The following GLYATL1 variants were observed in gnomAD, a reference collection of about 807,000 sequenced individuals.
GLYATL1 encodes the protein glycine N-acyltransferase-like protein 1.
Under a neutral mutation model 20.0 loss-of-function variants are expected in GLYATL1, and 15 were observed. The ratio of observed to expected loss-of-function variants is 0.75; its 90% confidence interval spans 0.50 to 1.15. The LOEUF (loss-of-function observed/expected upper bound fraction) is 1.15, where lower values mean the gene tolerates loss of function less well. Among genes scored for constraint, GLYATL1 ranks in the 50% most tolerant of loss-of-function variants. The pLI, the probability that GLYATL1 is intolerant of heterozygous loss-of-function variation, is 0.00. For synonymous variants in GLYATL1, 151 were observed against 131.5 expected, an observed-to-expected ratio of 1.15 and a Z score of -1.01; for missense variants, 380 against 368.5, an observed-to-expected ratio of 1.03 and a Z score of -0.26.
rs775138157 is a variant in GLYATL1, at chr11:58,943,534, T to G, written c.-166-9T>G. 3.7e-6 allele frequency: 6 copies of G among 1,603,916 alleles called. No homozygotes were observed. Among genetic ancestry groups the G allele is most frequent in the Non-Finnish European group, 5.1e-6 (6 of 1,175,432 alleles). On this transcript the variant is annotated splice_polypyrimidine_tract_variant and intron_variant, in intron 1 of 6. Transcript: ENST00000532726. ...AAGTTTAATTCAGCTGAAGTTTTTC[T>G]TTTATCAGATGGTGTCACAAGAAGG... is the stretch of plus-strand genomic sequence containing the variant.
At chr11:58,937,412 C>T (rs984252016), upstream of GLYATL1, among the ~76,000 whole-genome samples, 4 of 152,190 alleles carry the variant, frequency 2.6e-5, no homozygotes, top group South Asian at 8.3e-4. Flanking sequence ...AAGAAACCTT[C>T]TTCCCTAGAA....
upstream of GLYATL1, among the ~76,000 whole-genome samples, chr11:58,936,200 A>G (rs1042330546): frequency 9.9e-5 from 15 of 152,258 alleles, no homozygotes; most frequent in African/African-American, 3.4e-4. Context: ...AGTGAGAGAA[A>G]GTTTCCAGAT....
downstream of GLYATL1, among the ~76,000 whole-genome samples, chr11:58,909,443 T>C (rs1854986629): frequency 6.6e-6 from 1 of 152,166 alleles, no homozygotes. Context: ...TTGGAGGTGA[T>C]AGATAGGTTG....
chr11:58,927,974 G>A (rs768768895), intron 1 of GLYATL1: 5 of 152,178 alleles, frequency 3.3e-5, no homozygotes, highest in Non-Finnish European at 5.9e-5. Flanking sequence ...TCTAGTTAAA[G>A]CCCATAACGT....
chr11:58,951,028 TAAG>T (rs1175816235), intron 4 of GLYATL1, among the ~76,000 whole-genome samples: 2 of 152,176 alleles, frequency 1.3e-5, no homozygotes, highest in Non-Finnish European at 2.9e-5. Context: ...ATTTTGACAT[TAAG>T]AAATTTTTTA....
intron 1 of GLYATL1, among the ~76,000 whole-genome samples, chr11:58,931,513 A>G (rs1481431861): frequency 1.3e-5 from 2 of 152,216 alleles, no homozygotes; most frequent in Admixed American, 6.5e-5. Context: ...TCACTGGAGT[A>G]ATTTCTTATC....
intron 1 of GLYATL1, among the ~76,000 whole-genome samples, chr11:58,941,979 A>G (rs573782663): frequency 1.3e-5 from 2 of 152,298 alleles, no homozygotes; most frequent in East Asian, 3.9e-4. Flanking sequence ...GAAGCATATA[A>G]AAGTTTACCC....
chr11:58,906,360 CT>C, intron 1 of GLYATL1, among the ~76,000 whole-genome samples: 1 of 152,296 alleles, frequency 6.6e-6, no homozygotes, highest in East Asian at 1.9e-4. Flanking sequence ...GGATCCTTTC[CT>C]TCCCTGGTGC....
upstream of GLYATL1, among the ~76,000 whole-genome samples, chr11:58,936,356 A>T (rs1004063393): frequency 5.3e-5 from 8 of 152,242 alleles, no homozygotes; most frequent in Non-Finnish European, 1.0e-4. Context: ...GATTCTGAGC[A>T]TCTGGGTTCT....
intron 1 of GLYATL1, among the ~76,000 whole-genome samples, chr11:58,933,125 G>C (rs1227079982): frequency 6.6e-6 from 1 of 152,158 alleles, no homozygotes; most frequent in African/African-American, 2.4e-5. Flanking sequence ...CACAGGAAGA[G>C]GGGCACAATT....
downstream of GLYATL1, chr11:58,908,703 G>A (rs1854969533): frequency 6.6e-6 from 1 of 152,280 alleles, no homozygotes; most frequent in Admixed American, 6.5e-5. Context: ...ATAAGTGCTT[G>A]TGTAAAGCAA....
intron 1 of GLYATL1, among the ~76,000 whole-genome samples, chr11:58,929,767 G>A (rs903958657): frequency 1.5e-4 from 23 of 152,126 alleles, no homozygotes; most frequent in African/African-American, 5.3e-4. Flanking sequence ...GACCCTCTCT[G>A]TACAGTCCTC....
In GLYATL1 at chr11:58,920,115, C is replaced by T. The variant is rs191834283; in HGVS notation, n.264+14454C>T. Among the ~76,000 whole-genome samples, 448 of 152,226 alleles carry T rather than the reference C, an allele frequency of 2.9e-3. 3 individuals carry two copies. The highest frequency in any genetic ancestry group is 9.9e-3 in the African/African-American group (412 of 41,544). On this transcript the variant is annotated intron_variant and non_coding_transcript_variant, in intron 1 of 2. Coordinates refer to the GLYATL1 transcript ENST00000534674. ...GAGCTGCCATTGCTGCCTGTTTTGC[C>T]TCTTTGTCTGCCTTCCTGTTCCTTT...
chr11:58,919,506 T>C (rs1214739884), intron 1 of GLYATL1, among the ~76,000 whole-genome samples: 1 of 152,238 alleles, frequency 6.6e-6, no homozygotes, highest in Non-Finnish European at 1.5e-5. Flanking sequence ...CAGCCACCAA[T>C]GCTGGTTCAT....
rs557764513 is a variant in GLYATL1 at position 58,955,804 on chromosome 11, T to C, written c.686T>C (p.Val229Ala). Residue 229 changes from valine to alanine, a missense_variant, in exon 7 of 7, where the codon GTA becomes GCA. Val to Ala is a moderately conservative substitution (Grantham distance 64). Coordinates refer to ENST00000532726, the MANE Select transcript of GLYATL1 (RefSeq NM_001389712.2). ...SWVTMDPSCE[V>A]GMAYSMEKYR... ...GTAACCATGGACCCTTCTTGTGAAG[T>C]AGGAATGGCCTACAGCATGGAAAAA... 1.2e-6 allele frequency: 2 copies of C among 1,614,072 alleles called. No individual in the cohort carries two copies. Among genetic ancestry groups the C allele is most frequent in the Admixed American group, 1.7e-5 (1 of 60,012 alleles).
intron 2 of GLYATL1, among the ~76,000 whole-genome samples, chr11:58,945,516 A>G (rs922673059): frequency 2.0e-5 from 3 of 152,214 alleles, no homozygotes; most frequent in African/African-American, 4.8e-5. Context: ...GTTCTCATGT[A>G]TCAGCCCAGG....
chr11:58,905,790 C>T (rs7118637), intron 1 of GLYATL1: 296,675 of 379,944 alleles, frequency 0.78, 120,248 homozygotes, highest in Non-Finnish European at 0.87. Context: ...CCGTCTGACC[C>T]GCCCGCGAGC....
At chr11:58,914,845 A>G (rs1855133488) in intron 1 of GLYATL1, among the ~76,000 whole-genome samples, 1 of 152,220 alleles carries the variant, frequency 6.6e-6, no homozygotes, top group Non-Finnish European at 1.5e-5. Context: ...CTGTCTCACT[A>G]GGATATGTAC....
At chr11:58,917,516 T>C (rs1386488414) in intron 1 of GLYATL1, among the ~76,000 whole-genome samples, 1 of 152,226 alleles carries the variant, frequency 6.6e-6, no homozygotes, top group East Asian at 1.9e-4. Flanking sequence ...TTAATCAAGT[T>C]GTGACAGGTG....
Sources: allele counts gnomAD v4.1 joint callset (sites outside exome capture counted in the v4.1 genomes callset), GRCh38; gene constraint gnomAD v4.1.1; transcripts MANE v1.5; gene names NCBI Gene and HGNC (gene_info 2026-07-23, HGNC 2026-07-21).